Variants in AGAP1 observed in about 807,000 individuals in gnomAD.
AGAP1 encodes the protein ArfGAP with GTPase domain, ankyrin repeat and PH domain 1.
Under a neutral mutation model 105.3 loss-of-function variants are expected in AGAP1, and 29 were observed. The ratio of observed to expected loss-of-function variants is 0.28; its 90% CI spans 0.21 to 0.38. AGAP1 has a LOEUF of 0.38. Ranked by LOEUF, AGAP1 falls within the 10% of genes least tolerant of loss-of-function variation. AGAP1 has a pLI of 1.00. For missense variants in AGAP1, 998 were observed against 1,165.1 expected, an observed-to-expected ratio of 0.86 and a Z score of 2.09; for synonymous variants, 509 against 485.9, an observed-to-expected ratio of 1.05 and a Z score of -0.63.
intron 6 of AGAP1, among the ~76,000 whole-genome samples, chr2:235,759,219 A>T (rs1222540405): frequency 7.4e-6 from 1 of 134,568 alleles, no homozygotes; most frequent in Non-Finnish European, 1.5e-5. Context: ...CCCAGGCTGG[A>T]CTGCAGTGGT....
At position 235,875,766 on chromosome 2, in the gene AGAP1, G is replaced by A. The variant is rs549443045; in HGVS notation, c.1051-7579G>A. Among the ~76,000 whole-genome samples the A allele has an allele frequency of 1.6e-4, 24 of 152,290 alleles. No homozygotes were observed. The highest frequency in any genetic ancestry group is 5.3e-4 in the African/African-American group (22 of 41,562). On this transcript the variant is annotated intron_variant, in intron 9 of 17. Transcript: ENST00000304032. This position sits in a 1 kb window ranked among gnomAD's most constrained non-coding sequence, Gnocchi z 4.0. Reference sequence around the variant, plus strand: ...CAGATACCTACACTTCCCACTGCCCGACAGTACGTGCAGTGATTTTGATGG... The same window carrying A: ...CAGATACCTACACTTCCCACTGCCCAACAGTACGTGCAGTGATTTTGATGG...
At chr2:235,914,164 T>G (rs536697633) in intron 11 of AGAP1, among the ~76,000 whole-genome samples, 104 of 152,310 alleles carry the variant, frequency 6.8e-4, no homozygotes, top group South Asian at 4.6e-3. Flanking sequence ...TTGGAATAGC[T>G]ACTGGATGTT....
In AGAP1 at chr2:235,845,406, A is replaced by T. The variant is rs561596714; in HGVS notation, c.1051-37939A>T. ...TTTGCAGACATGGAAGCAGAAAATC[A>T]TATGATACCCTGAGTTCCTGAGTCA... On this transcript the variant is annotated intron_variant, in intron 9 of 17. Coordinates refer to ENST00000304032, the MANE Select transcript of AGAP1 (RefSeq NM_001037131.3). This position sits in a 1 kb window ranked among gnomAD's most constrained non-coding sequence, Gnocchi z 4.8. 6.6e-6 allele frequency among the ~76,000 whole-genome samples: 1 copy of T among 152,194 alleles called. No individual in the cohort carries two copies. The highest frequency in any genetic ancestry group is 1.5e-5 in the Non-Finnish European group (1 of 68,014).
intron 9 of AGAP1, among the ~76,000 whole-genome samples, chr2:235,851,980 G>A (rs2048484369): frequency 6.6e-6 from 1 of 152,136 alleles, no homozygotes; most frequent in African/African-American, 2.4e-5. Flanking sequence ...GCGGAGAGAG[G>A]GTGAAAGAGA....
At position 236,040,322 on chromosome 2, in the gene AGAP1, A is replaced by G. The variant is rs1312316454; in HGVS notation, c.1801-429A>G. 1.3e-5 allele frequency among the ~76,000 whole-genome samples: 2 copies of G among 152,086 alleles called. No individual in the cohort carries two copies. The highest frequency in any genetic ancestry group is 2.9e-5 in the Non-Finnish European group (2 of 68,022). On this transcript the variant is annotated intron_variant, in intron 14 of 17. Transcript: ENST00000304032. The surrounding 1 kb of genome is among the most constrained non-coding windows in gnomAD (Gnocchi z 5.6). Reference sequence around the variant, plus strand: ...TGGGGTTTTCTGACAAGGAACCATGAGATATGTCTTACATTGCTGATGAAG... The same window carrying G: ...TGGGGTTTTCTGACAAGGAACCATGGGATATGTCTTACATTGCTGATGAAG...
chr2:235,641,313 T>C (rs6754513), intron 1 of AGAP1, among the ~76,000 whole-genome samples: 1 of 148,488 alleles, frequency 6.7e-6, no homozygotes, highest in Admixed American at 6.7e-5. Context: ...CTCTCTCTCT[T>C]TCTCTTTCTC....
intron 12 of AGAP1, among the ~76,000 whole-genome samples, chr2:235,955,683 C>T (rs2053918411): frequency 6.6e-6 from 1 of 152,160 alleles, no homozygotes; most frequent in African/African-American, 2.4e-5. Flanking sequence ...AACCAAATTG[C>T]CTCTTTTTTA....
intron 1 of AGAP1, among the ~76,000 whole-genome samples, chr2:235,509,001 A>G (rs892756019): frequency 2.6e-5 from 4 of 152,156 alleles, no homozygotes; most frequent in East Asian, 1.9e-4. Flanking sequence ...TGGCTGCGCT[A>G]TCTGCTTCCC....
At chr2:235,709,869 C>T (rs1950756367) in intron 2 of AGAP1, among the ~76,000 whole-genome samples, 1 of 152,138 alleles carries the variant, frequency 6.6e-6, no homozygotes, top group Non-Finnish European at 1.5e-5. Context: ...AGGGGCAAGT[C>T]TAACTTTGAA....
In AGAP1 at chr2:235,721,138, G is replaced by A. The variant is rs1464974339; in HGVS notation, c.310+3494G>A. On this transcript the variant is annotated intron_variant, in intron 3 of 17. Coordinates refer to ENST00000304032, the MANE Select transcript of AGAP1 (RefSeq NM_001037131.3). The surrounding 1 kb of genome is among the most constrained non-coding windows in gnomAD (Gnocchi z 4.5). The stretch of plus-strand genomic sequence containing the variant: ...TCCTCCTGCCGCAGCCTCCTGAGTA[G>A]CTGGGATTACAGGCACCCCCCACCG... Among the ~76,000 whole-genome samples the A allele has an allele frequency of 6.6e-6, 1 of 152,088 alleles. No individual in the cohort carries two copies. Among genetic ancestry groups the A allele is most frequent in the Non-Finnish European group, 1.5e-5 (1 of 68,030 alleles).
At position 236,047,220 on chromosome 2, in the gene AGAP1, G is replaced by C. The variant is rs143041987; in HGVS notation, c.1892-1839G>C. Among the ~76,000 whole-genome samples the C allele has an allele frequency of 3.0e-4, 46 of 152,302 alleles. 1 individual carries two copies. In the East Asian group the frequency reaches 8.9e-3, roughly 30 times the overall value. ...TCTTTTGGGTTTCGCCCTGGAACAG[G>C]CTAGTGACTTTGGTTGTGCTGCGTC... On this transcript the variant is annotated intron_variant, in intron 15 of 17. Transcript: ENST00000304032.
chr2:235,610,345 G>A lies in AGAP1; in HGVS notation c.164-98834G>A, dbSNP rs909605327. Among the ~76,000 whole-genome samples the A allele has an allele frequency of 6.6e-6, 1 of 152,128 alleles. No homozygotes were observed. Among genetic ancestry groups the A allele is most frequent in the African/African-American group, 2.4e-5 (1 of 41,422 alleles). On this transcript the variant is annotated intron_variant, in intron 1 of 17. Transcript: ENST00000304032. The surrounding 1 kb of genome is among the most constrained non-coding windows in gnomAD (Gnocchi z 4.9). ...GGGCTGCCATAACAAAATACCAGACGCTGGGTGCCTTAAACCACAGAAATG... is the reference window on the plus strand; with the variant it reads ...GGGCTGCCATAACAAAATACCAGACACTGGGTGCCTTAAACCACAGAAATG...
At chr2:235,678,865 A>AGCCC (rs1379133424) in intron 1 of AGAP1, among the ~76,000 whole-genome samples, 1 of 151,870 alleles carries the variant, frequency 6.6e-6, no homozygotes, top group Admixed American at 6.6e-5. Context: ...CCTGCCTGCC[A>AGCCC]GCCCCACAGT....
chr2:236,031,477 G>C (rs2057222835), intron 13 of AGAP1, among the ~76,000 whole-genome samples: 1 of 152,146 alleles, frequency 6.6e-6, no homozygotes, highest in African/African-American at 2.4e-5. Flanking sequence ...ATTCTCTGCA[G>C]CTGCTCAAAG....
rs1027907462 is a variant in AGAP1, at chr2:236,027,527, A to C, written c.1646-9034A>C. Among the ~76,000 whole-genome samples, 4 of 152,032 alleles carry C rather than the reference A, an allele frequency of 2.6e-5. No individual in the cohort carries two copies. Among genetic ancestry groups the C allele is most frequent in the Non-Finnish European group, 5.9e-5 (4 of 67,994 alleles). ...CTCCCGCCTCTGCCCTGCCTCCCCC[A>C]GGGCAGACTGAGCCTCTCCCCTCCA... On this transcript the variant is annotated intron_variant, in intron 13 of 17. Coordinates refer to ENST00000304032, the MANE Select transcript of AGAP1 (RefSeq NM_001037131.3). The surrounding 1 kb of genome is among the most constrained non-coding windows in gnomAD (Gnocchi z 4.4).
At chr2:235,680,400 C>T (rs112355795) in intron 1 of AGAP1, among the ~76,000 whole-genome samples, 81 of 152,210 alleles carry the variant, frequency 5.3e-4, no homozygotes, top group African/African-American at 1.8e-3. Flanking sequence ...AGGGGCCCTG[C>T]AGCCCCCTCT....
Position 236,109,122 on chromosome 2 carries a change from G to A in AGAP1, c.2115-11070G>A, listed in dbSNP as rs2059581085. ...AGCATTTCTCTCTGAAGGTAGTTGT[G>A]TGTAGGTGTGACTCTCCCCGCGCTC... On this transcript the variant is annotated intron_variant, in intron 16 of 17. Transcript: ENST00000304032. This position sits in a 1 kb window ranked among gnomAD's most constrained non-coding sequence, Gnocchi z 5.4. Among the ~76,000 whole-genome samples, 1 of 152,106 alleles carries A rather than the reference G, an allele frequency of 6.6e-6. No homozygotes were observed. Among genetic ancestry groups the A allele is most frequent in the Non-Finnish European group, 1.5e-5 (1 of 68,040 alleles).
In AGAP1 at chr2:235,879,006, CG is replaced by C. The variant is rs1357069008; in HGVS notation, c.1051-4338del. ...GTGGCTGGGACACCCAGAGGTTCTG[CG>C]TGGGGAGCAGGTCACCGCCCATCAG... is the stretch of plus-strand genomic sequence containing the variant. On this transcript the variant is annotated intron_variant, in intron 9 of 17. Coordinates refer to ENST00000304032, the MANE Select transcript of AGAP1 (RefSeq NM_001037131.3). The surrounding 1 kb of genome is among the most constrained non-coding windows in gnomAD (Gnocchi z 5.0). Among the ~76,000 whole-genome samples the C allele has an allele frequency of 6.6e-6, 1 of 152,118 alleles. No homozygotes were observed. Among genetic ancestry groups the C allele is most frequent in the Non-Finnish European group, 1.5e-5 (1 of 68,014 alleles).
chr2:235,769,184 G>C lies in AGAP1; in HGVS notation c.673+18696G>C, dbSNP rs1268150359. On this transcript the variant is annotated intron_variant, in intron 6 of 17. Transcript: ENST00000304032. The surrounding 1 kb of genome is among the most constrained non-coding windows in gnomAD (Gnocchi z 4.4). ...AGCTCCGTCACACAGTCCTGTTGCT[G>C]CTACCTTGGGGCCCAGGCGTGTCTT... Among the ~76,000 whole-genome samples the C allele has an allele frequency of 6.6e-6, 1 of 152,146 alleles. No individual in the cohort carries two copies. The highest frequency in any genetic ancestry group is 1.5e-5 in the Non-Finnish European group (1 of 68,034).
Sources: allele counts gnomAD v4.1 joint callset (sites outside exome capture counted in the v4.1 genomes callset), GRCh38; gene constraint gnomAD v4.1.1; non-coding constraint Gnocchi (gnomAD v3.1); transcripts MANE v1.5; gene names NCBI Gene and HGNC (gene_info 2026-07-23, HGNC 2026-07-21).